Variants in CSMD1 observed in about 807,000 individuals in gnomAD.
CSMD1 encodes CUB and Sushi multiple domains 1.
In CSMD1, 213 loss-of-function variants were observed where a neutral mutation model predicts 417.5. That is an observed-to-expected ratio of 0.51 (90% CI 0.46 to 0.57). The LOEUF (loss-of-function observed/expected upper bound fraction) is 0.57, where lower values mean the gene tolerates loss of function less well. Ranked by LOEUF, CSMD1 falls within the 20% of genes least tolerant of loss-of-function variation. The pLI is 0.00. For missense variants in CSMD1, 6,923 were observed against 4,529.7 expected, an observed-to-expected ratio of 1.53 and a Z score of -15.17; for synonymous variants, 2,862 against 1,736.8, an observed-to-expected ratio of 1.65 and a Z score of -16.11.
At chr8:4,435,461 C>T (rs1047381108) in intron 2 of CSMD1, among the ~76,000 whole-genome samples, 8 of 152,302 alleles carry the variant, frequency 5.3e-5, no homozygotes, top group Non-Finnish European at 1.0e-4. Flanking sequence ...TCACTGGTTT[C>T]CACAGAAAAT....
intron 5 of CSMD1, among the ~76,000 whole-genome samples, chr8:3,923,481 G>A (rs538945112): frequency 2.0e-5 from 3 of 152,226 alleles, no homozygotes; most frequent in African/African-American, 7.2e-5. Flanking sequence ...TGTGGGACAT[G>A]TTTACCCTTA....
chr8:4,228,776 T>G (rs1801521477), intron 3 of CSMD1, among the ~76,000 whole-genome samples: 1 of 152,076 alleles, frequency 6.6e-6, no homozygotes, highest in Admixed American at 6.6e-5. Flanking sequence ...CTCTGCCTCC[T>G]GGGTTCAAAA....
chr8:4,426,083 A>C (rs191913938), intron 2 of CSMD1, among the ~76,000 whole-genome samples: 1 of 148,310 alleles, frequency 6.7e-6, no homozygotes, highest in Non-Finnish European at 1.5e-5. Context: ...AAAAGGAATT[A>C]TTTTGAAAAA....
intron 1 of CSMD1, among the ~76,000 whole-genome samples, chr8:4,821,020 G>A (rs761262045): frequency 6.6e-6 from 1 of 152,004 alleles, no homozygotes; most frequent in African/African-American, 2.4e-5. Flanking sequence ...GTCTCAGATC[G>A]CACGGCTTAG....
At chr8:4,521,658 G>A (rs1424660918) in intron 2 of CSMD1, among the ~76,000 whole-genome samples, 2 of 152,124 alleles carry the variant, frequency 1.3e-5, no homozygotes, top group Non-Finnish European at 2.9e-5. Flanking sequence ...TGGCCCTCAG[G>A]TCCTATTGCG....
intron 3 of CSMD1, among the ~76,000 whole-genome samples, chr8:4,237,968 T>C (rs950265071): frequency 4.6e-5 from 7 of 152,212 alleles, no homozygotes; most frequent in African/African-American, 1.4e-4. Context: ...TCTCCTGGGT[T>C]GGCTCAGGGT....
intron 1 of CSMD1, among the ~76,000 whole-genome samples, chr8:4,777,333 G>A (rs932241311): frequency 6.6e-6 from 1 of 152,192 alleles, no homozygotes; most frequent in Admixed American, 6.5e-5. Flanking sequence ...TAGTAAATGA[G>A]AGAGTGCCTT....
intron 3 of CSMD1, among the ~76,000 whole-genome samples, chr8:4,079,223 A>G (rs147531229): frequency 2.0e-5 from 3 of 152,138 alleles, no homozygotes; most frequent in Admixed American, 6.6e-5. Context: ...GTTTGGTGGG[A>G]AACAACTGAA....
At chr8:4,191,392 T>A (rs749636332) in intron 3 of CSMD1, among the ~76,000 whole-genome samples, 10 of 151,464 alleles carry the variant, frequency 6.6e-5, no homozygotes, top group South Asian at 2.1e-4. Flanking sequence ...CAAGACTCTG[T>A]CTCAGAAAAA....
intron 3 of CSMD1, among the ~76,000 whole-genome samples, chr8:4,155,831 T>C (rs1358217318): frequency 2.0e-5 from 3 of 152,116 alleles, no homozygotes; most frequent in Non-Finnish European, 4.4e-5. Flanking sequence ...GTCAATTAAA[T>C]CCTCTTAAAT....
intron 52 of CSMD1, among the ~76,000 whole-genome samples, chr8:3,006,958 A>G (rs1195022775): frequency 3.5e-5 from 5 of 142,004 alleles, no homozygotes; most frequent in Admixed American, 2.7e-4. Context: ...CTGCACAGCA[A>G]AAGAAACTAC....
chr8:3,495,704 C>T (rs1585251985), intron 10 of CSMD1, among the ~76,000 whole-genome samples: 1 of 152,260 alleles, frequency 6.6e-6, no homozygotes, highest in East Asian at 1.9e-4. Flanking sequence ...ATATACCATC[C>T]TTTCAGAGTA....
chr8:4,291,482 A>C (rs1797360949), intron 3 of CSMD1, among the ~76,000 whole-genome samples: 2 of 152,168 alleles, frequency 1.3e-5, no homozygotes, highest in South Asian at 4.1e-4. Context: ...TTTATCTACT[A>C]ATTCCCAGTG....
chr8:3,919,326 A>T (rs978818448), intron 5 of CSMD1, among the ~76,000 whole-genome samples: 2 of 151,930 alleles, frequency 1.3e-5, no homozygotes, highest in Non-Finnish European at 2.9e-5. Flanking sequence ...GTGGTCTAAC[A>T]CGTGGGCCAG....
At chr8:4,381,341 G>A (rs1013159484) in intron 3 of CSMD1, among the ~76,000 whole-genome samples, 1 of 152,108 alleles carries the variant, frequency 6.6e-6, no homozygotes, top group African/African-American at 2.4e-5. Flanking sequence ...CAACACAATG[G>A]ATGAGGCATC....
intron 5 of CSMD1, among the ~76,000 whole-genome samples, chr8:3,865,949 A>G (rs1805069347): frequency 1.3e-5 from 2 of 152,314 alleles, no homozygotes; most frequent in East Asian, 1.9e-4. Flanking sequence ...CGTGTCTGGG[A>G]ATGTAATTAA....
chr8:3,101,534 T>G (rs903167293), intron 46 of CSMD1, among the ~76,000 whole-genome samples: 2 of 151,524 alleles, frequency 1.3e-5, no homozygotes, highest in Non-Finnish European at 2.9e-5. Context: ...ACCATTCTCC[T>G]GCCTCAGCCT....
chr8:4,082,994 T>G (rs1800222022), intron 3 of CSMD1, among the ~76,000 whole-genome samples: 2 of 152,080 alleles, frequency 1.3e-5, no homozygotes, highest in African/African-American at 4.8e-5. Flanking sequence ...TGTGCCACAT[T>G]TTCTTAATCC....
chr8:4,150,863 T>C (rs540142497), intron 3 of CSMD1, among the ~76,000 whole-genome samples: 1 of 145,014 alleles, frequency 6.9e-6, no homozygotes, highest in Non-Finnish European at 1.5e-5. Flanking sequence ...ATTATAAATA[T>C]AAAAAAATGT....
Sources: allele counts gnomAD v4.1 joint callset (sites outside exome capture counted in the v4.1 genomes callset), GRCh38; gene constraint gnomAD v4.1.1; transcripts MANE v1.5; gene names NCBI Gene and HGNC (gene_info 2026-07-23, HGNC 2026-07-21).